Variants in CDK14 observed in about 807,000 individuals in gnomAD.
The protein encoded by CDK14 is cyclin-dependent kinase 14.
CDK14 carries 34 observed loss-of-function variants against 60.7 expected under a neutral mutation model. The observed-to-expected ratio is 0.56, with a 90% CI of 0.43 to 0.75. The LOEUF (loss-of-function observed/expected upper bound fraction) is 0.75. Among genes scored for constraint, CDK14 ranks in the 30% least tolerant of loss-of-function variants. The pLI, the probability that CDK14 is intolerant of heterozygous loss-of-function variation, is 0.00. For missense variants in CDK14, 482 were observed against 564.1 expected (o/e 0.85, Z 1.47); for synonymous variants, 197 against 203.7 (o/e 0.97, Z 0.28).
At chr7:90,833,789 C>G (rs1789998093) in intron 5 of CDK14, among the ~76,000 whole-genome samples, 2 of 152,124 alleles carry the variant, frequency 1.3e-5, no homozygotes, top group South Asian at 4.1e-4. Context: ...TCGAAGCTGG[C>G]AAGATTTTTA....
intron 4 of CDK14, among the ~76,000 whole-genome samples, chr7:90,780,498 ATG>A (rs1342411501): frequency 2.0e-5 from 3 of 150,760 alleles, no homozygotes; most frequent in Non-Finnish European, 4.4e-5. Context: ...ATATGTATAC[ATG>A]TGCCATGTTG....
intron 6 of CDK14, among the ~76,000 whole-genome samples, chr7:90,886,016 CTCGTTTTTCTT>C (rs1791935134): frequency 6.6e-6 from 1 of 152,100 alleles, no homozygotes; most frequent in Non-Finnish European, 1.5e-5. Context: ...GCACATATAT[CTCGTTTTTCTT>C]TAGAAGAAAT....
At chr7:91,003,574 C>G (rs1795899543) in intron 10 of CDK14, among the ~76,000 whole-genome samples, 1 of 152,082 alleles carries the variant, frequency 6.6e-6, no homozygotes, top group African/African-American at 2.4e-5. Context: ...TATCTGGGGT[C>G]CCTCTCTCTC....
chr7:90,856,107 G>C (rs17397023), intron 5 of CDK14, among the ~76,000 whole-genome samples: 19,298 of 152,174 alleles, frequency 0.13, 1,476 homozygotes, highest in Middle Eastern at 0.26. Context: ...CAACTTACAT[G>C]ATATTTTAAA....
intron 13 of CDK14, among the ~76,000 whole-genome samples, chr7:91,116,633 G>T (rs916063884): frequency 6.6e-6 from 1 of 152,062 alleles, no homozygotes; most frequent in Non-Finnish European, 1.5e-5. Context: ...CCTTCAGTTC[G>T]TAGACTTTCA....
At chr7:90,641,975 T>G (rs548366680) in intron 2 of CDK14, among the ~76,000 whole-genome samples, 14 of 152,308 alleles carry the variant, frequency 9.2e-5, no homozygotes, top group Middle Eastern at 3.4e-3. Context: ...CCATCAGATC[T>G]TGTGAGACTT....
chr7:91,092,291 A>C (rs577713012), intron 12 of CDK14, among the ~76,000 whole-genome samples: 63 of 151,926 alleles, frequency 4.1e-4, no homozygotes, highest in African/African-American at 1.4e-3. Context: ...CCATCAAACC[A>C]CACTTTGGAG....
At chr7:90,694,383 C>T (rs10487123) in intron 2 of CDK14, among the ~76,000 whole-genome samples, 3 of 152,024 alleles carry the variant, frequency 2.0e-5, no homozygotes, top group East Asian at 3.9e-4. Flanking sequence ...ACAAATTAAA[C>T]GTAGTAAACT....
At chr7:91,002,189 G>A (rs1023384092) in intron 10 of CDK14, among the ~76,000 whole-genome samples, 1 of 152,106 alleles carries the variant, frequency 6.6e-6, no homozygotes, top group African/African-American at 2.4e-5. Flanking sequence ...AATTTCCCCT[G>A]TGTAGTATCC....
intron 6 of CDK14, among the ~76,000 whole-genome samples, chr7:90,867,389 C>T (rs1358512276): frequency 3.3e-5 from 5 of 151,994 alleles, no homozygotes; most frequent in African/African-American, 9.7e-5. Flanking sequence ...AAATAAGTGC[C>T]GCATTAACCT....
At chr7:90,792,399 A>G (rs1805869639) in intron 5 of CDK14, among the ~76,000 whole-genome samples, 1 of 152,178 alleles carries the variant, frequency 6.6e-6, no homozygotes, top group African/African-American at 2.4e-5. Context: ...ATACTACATC[A>G]CTACCAACTG....
intron 5 of CDK14, among the ~76,000 whole-genome samples, chr7:90,831,385 A>G (rs1462485631): frequency 2.6e-5 from 4 of 152,176 alleles, no homozygotes; most frequent in Non-Finnish European, 4.4e-5. Flanking sequence ...ACTCACCATT[A>G]TGAGAGCAGG....
intron 2 of CDK14, among the ~76,000 whole-genome samples, chr7:90,665,637 T>G (rs953685017): frequency 6.6e-6 from 1 of 152,208 alleles, no homozygotes; most frequent in African/African-American, 2.4e-5. Context: ...CCCTGAAGTC[T>G]TCTCTCCTTT....
chr7:90,657,272 T>C (rs1800771444), intron 2 of CDK14, among the ~76,000 whole-genome samples: 1 of 152,226 alleles, frequency 6.6e-6, no homozygotes, highest in South Asian at 2.1e-4. Context: ...GGACTTTGAA[T>C]ACAGTTTGAT....
intron 2 of CDK14, among the ~76,000 whole-genome samples, chr7:90,631,628 A>C (rs1799998745): frequency 6.6e-6 from 1 of 152,188 alleles, no homozygotes; most frequent in Non-Finnish European, 1.5e-5. Flanking sequence ...CTTGTTCAGC[A>C]GTTGGTTTGG....
At chr7:91,100,371 G>T (rs1799116253) in intron 12 of CDK14, among the ~76,000 whole-genome samples, 1 of 152,180 alleles carries the variant, frequency 6.6e-6, no homozygotes, top group Non-Finnish European at 1.5e-5. Flanking sequence ...TGGAAGCTCT[G>T]CAAAAGCAAT....
At position 90,648,169 on chromosome 7, in the gene CDK14, G is replaced by A. The variant is rs985345341; in HGVS notation, c.123+43920G>A. Among the ~76,000 whole-genome samples, 3 of 152,188 alleles carry A rather than the reference G, an allele frequency of 2.0e-5. No individual in the cohort carries two copies. In the East Asian group the frequency reaches 5.8e-4, roughly 29 times the overall value. The stretch of plus-strand genomic sequence containing the variant: ...AGGCTCTGGGTGTCTTGGAGGTTGC[G>A]GTCAAGATGGCGGTTGGAGCTGCAT... On this transcript the variant is annotated intron_variant, in intron 2 of 14. Coordinates refer to ENST00000380050, the MANE Select transcript of CDK14 (RefSeq NM_001287135.2).
intron 4 of CDK14, among the ~76,000 whole-genome samples, chr7:90,748,144 TTG>T (rs1387044763): frequency 1.3e-5 from 2 of 152,220 alleles, no homozygotes; most frequent in Non-Finnish European, 2.9e-5. Context: ...GCCAAATATA[TTG>T]GCCATTCTTG....
intron 2 of CDK14, among the ~76,000 whole-genome samples, chr7:90,645,742 G>A (rs913659764): frequency 1.3e-4 from 20 of 152,114 alleles, no homozygotes; most frequent in Admixed American, 2.6e-4. Flanking sequence ...TTTAACTTCT[G>A]TTGCTAAAGC....
Sources: allele counts gnomAD v4.1 joint callset (sites outside exome capture counted in the v4.1 genomes callset), GRCh38; gene constraint gnomAD v4.1.1; transcripts MANE v1.5; gene names NCBI Gene and HGNC (gene_info 2026-07-23, HGNC 2026-07-21).